The following TLE4 variants were observed in gnomAD, a reference collection of about 807,000 sequenced individuals.
The protein encoded by TLE4 is transducin-like enhancer protein 4.
A neutral mutation model predicts 92.8 loss-of-function variants in TLE4; 8 were observed. The observed-to-expected ratio is 0.09, with a 90% CI of 0.05 to 0.16. The LOEUF is 0.16. TLE4 is among the 10% of genes least tolerant of loss of function. The pLI is 1.00. For synonymous variants in TLE4, 371 were observed against 374.1 expected (o/e 0.99, Z 0.10); for missense variants, 675 against 997.6 (o/e 0.68, Z 4.36).
At chr9:79,664,947 AAAG>A (rs1371934121) in intron 8 of TLE4, among the ~76,000 whole-genome samples, 2 of 152,130 alleles carry the variant, frequency 1.3e-5, no homozygotes. Flanking sequence ...GGGAGAAATG[AAAG>A]AAGAATATTA....
At chr9:79,631,663 T>TGTGTGTGTGTG (rs1312981283) in intron 6 of TLE4, among the ~76,000 whole-genome samples, 34 of 148,642 alleles carry the variant, frequency 2.3e-4, no homozygotes, top group South Asian at 4.3e-4. Context: ...TGTGTGTGTG[T>TGTGTGTGTGTG]TTTCTACATT....
At chr9:79,621,046 C>A (rs1277811151) in intron 5 of TLE4, among the ~76,000 whole-genome samples, 1 of 152,124 alleles carries the variant, frequency 6.6e-6, no homozygotes, top group East Asian at 1.9e-4. Flanking sequence ...AATTACAATT[C>A]AATGTGAGAT....
chr9:79,711,287 T>G (rs2073217459), intron 14 of TLE4, among the ~76,000 whole-genome samples: 1 of 151,476 alleles, frequency 6.6e-6, no homozygotes, highest in South Asian at 2.1e-4. Context: ...AAATATCAAT[T>G]ACCATAAAAT....
chr9:79,683,231 A>G (rs188424423), intron 8 of TLE4, among the ~76,000 whole-genome samples: 4 of 152,240 alleles, frequency 2.6e-5, no homozygotes, highest in East Asian at 3.9e-4. Context: ...TTCCTTCTCC[A>G]TTCCTATTCT....
intron 8 of TLE4, among the ~76,000 whole-genome samples, chr9:79,684,464 CTGTGCAATGCAGGGA>C (rs2065375392): frequency 2.6e-5 from 1 of 39,104 alleles, no homozygotes; most frequent in African/African-American, 4.1e-5. Context: ...CTATTGTGAA[CTGTGCAATGCAGGGA>C]TCTATTGTGA....
chr9:79,721,223 T>C (rs2075584670), intron 16 of TLE4, among the ~76,000 whole-genome samples: 1 of 152,168 alleles, frequency 6.6e-6, no homozygotes, highest in South Asian at 2.1e-4. Context: ...GGGCCAGTAG[T>C]TCACACTGAG....
At chr9:79,689,107 C>A (rs556392201) in intron 8 of TLE4, among the ~76,000 whole-genome samples, 1 of 152,128 alleles carries the variant, frequency 6.6e-6, no homozygotes, top group African/African-American at 2.4e-5. Context: ...CTCTTATAAG[C>A]CACTTCTCTA....
chr9:79,641,948 CTT>C (rs79662369), intron 6 of TLE4, among the ~76,000 whole-genome samples: 2 of 142,160 alleles, frequency 1.4e-5, no homozygotes, highest in Admixed American at 7.1e-5. Context: ...GCATAGTGGA[CTT>C]TTTTTTTTTT....
At position 79,572,752 on chromosome 9, in the gene TLE4, G is replaced by T. The variant is rs758791490; in HGVS notation, c.-39G>T. ...TCGGGGTCATTAAAGCCAATGAGCC[G>T]CGCGCCTCTGCCGAGCGCAGCCAAC... On this transcript the variant is annotated 5_prime_UTR_variant, in exon 1 of 20. Transcript: ENST00000376552. The T allele has an allele frequency of 3.1e-6, 5 of 1,589,446 alleles. No individual in the cohort carries two copies. Among genetic ancestry groups the T allele is most frequent in the Middle Eastern group, 1.7e-4 (1 of 6,008 alleles).
chr9:79,679,331 A>G (rs1483435046), intron 8 of TLE4, among the ~76,000 whole-genome samples: 1 of 151,984 alleles, frequency 6.6e-6, no homozygotes, highest in African/African-American at 2.4e-5. Flanking sequence ...GTGAGATGGT[A>G]TCTCATTGTG....
intron 7 of TLE4, among the ~76,000 whole-genome samples, chr9:79,653,482 A>G (rs1397190745): frequency 2.0e-5 from 3 of 152,150 alleles, no homozygotes; most frequent in Non-Finnish European, 2.9e-5. Flanking sequence ...TTTTGATGTG[A>G]CTGTTGTTTT....
In TLE4 at chr9:79,607,711, C is replaced by G. The variant is rs190548841; in HGVS notation, c.253-4945C>G. Among the ~76,000 whole-genome samples the G allele has an allele frequency of 4.6e-5, 7 of 152,038 alleles. No individual in the cohort carries two copies. In the East Asian group the frequency reaches 7.7e-4, roughly 17 times the overall value. On this transcript the variant is annotated intron_variant, in intron 4 of 19. Coordinates refer to ENST00000376552, the MANE Select transcript of TLE4 (RefSeq NM_007005.6). ...TAGGTGTGTGGTGTTATTTCTGAGG[C>G]CTCTGTGCTGTTCCATTGGTCTATA...
chr9:79,720,355 A>T, intron 16 of TLE4, 62 bp downstream of exon 16: 2 of 1,530,892 alleles, frequency 1.3e-6, no homozygotes, highest in Non-Finnish European at 8.8e-7. Context: ...TATTTTGCCA[A>T]AGTGCTGTGT....
intron 8 of TLE4, among the ~76,000 whole-genome samples, chr9:79,697,778 A>G (rs2068662987): frequency 6.6e-6 from 1 of 152,166 alleles, no homozygotes; most frequent in African/African-American, 2.4e-5. Flanking sequence ...AAAACAGAAC[A>G]TGAATGAATT....
chr9:79,626,709 G>T (rs1042579858), intron 5 of TLE4, among the ~76,000 whole-genome samples: 1 of 152,046 alleles, frequency 6.6e-6, no homozygotes, highest in Non-Finnish European at 1.5e-5. Flanking sequence ...TGTACTGTCC[G>T]TCCTAGTTTT....
intron 4 of TLE4, among the ~76,000 whole-genome samples, chr9:79,600,632 G>T (rs771241374): frequency 2.6e-5 from 4 of 152,196 alleles, no homozygotes; most frequent in Non-Finnish European, 5.9e-5. Context: ...CCCAAGTTCG[G>T]TTGCCTGCTG....
chr9:79,700,201 G>C lies in TLE4; in HGVS notation c.610-4582G>C, dbSNP rs183334126. 4.3e-4 allele frequency among the ~76,000 whole-genome samples: 65 copies of C among 152,294 alleles called. No homozygotes were observed. In the Middle Eastern group the frequency reaches 0.01, roughly 24 times the overall value. ...TGTTGTTACCCCAGACTAAAGAGAG[G>C]CTGAGACTAAGCAACATCCCTTACG... On this transcript the variant is annotated intron_variant, in intron 8 of 19. Coordinates refer to ENST00000376552, the MANE Select transcript of TLE4 (RefSeq NM_007005.6).
rs549307778 is a variant in TLE4, at chr9:79,626,148, C to T, written c.316-1226C>T. 5.9e-5 allele frequency among the ~76,000 whole-genome samples: 9 copies of T among 152,226 alleles called. No homozygotes were observed. The East Asian group carries it at 1.4e-3, about 23-fold the overall frequency. ...TAAAGTCGTTTCCTTTTCCACCTGG[C>T]CTCCCCACTCCCCTTACACAGCTCA... On this transcript the variant is annotated intron_variant, in intron 5 of 19. Coordinates refer to ENST00000376552, the MANE Select transcript of TLE4 (RefSeq NM_007005.6).
chr9:79,717,307 G>A (rs1192328601), intron 14 of TLE4, among the ~76,000 whole-genome samples: 1 of 152,088 alleles, frequency 6.6e-6, no homozygotes, highest in African/African-American at 2.4e-5. Context: ...TAGTCACCCA[G>A]GTTCTTAGCC....
Sources: gnomAD v4.1 joint callset for allele counts (sites outside exome capture counted in the v4.1 genomes callset) on GRCh38, gnomAD v4.1.1 for gene constraint, MANE v1.5 for transcripts, NCBI Gene and HGNC (gene_info 2026-07-23, HGNC 2026-07-21) for gene names.